The following ARHGEF7 variants were observed in gnomAD, a reference collection of about 807,000 sequenced individuals.
ARHGEF7 encodes Rho guanine nucleotide exchange factor 7.
In ARHGEF7, 33 loss-of-function variants were observed where a neutral mutation model predicts 109.8. The ratio of observed to expected loss-of-function variants is 0.30; its 90% CI spans 0.23 to 0.40. The LOEUF (loss-of-function observed/expected upper bound fraction) is 0.40. ARHGEF7 is among the 10% of genes least tolerant of loss of function. The pLI is 1.00. For missense variants in ARHGEF7, 938 were observed against 1,098.5 expected, an observed-to-expected ratio of 0.85 and a Z score of 2.07; for synonymous variants, 458 against 424.6, an observed-to-expected ratio of 1.08 and a Z score of -0.97.
chr13:111,145,178 CTGTT>C lies in ARHGEF7; in HGVS notation c.166-8723_166-8720del, dbSNP rs1279434409. On this transcript the variant is annotated intron_variant, in intron 1 of 21. Transcript: ENST00000646102. The surrounding 1 kb of genome is among the most constrained non-coding windows in gnomAD (Gnocchi z 4.3). Reference sequence around the variant, plus strand: ...AAGGCTGTATGGTAGTGGTGATAGTCTGTTTGTGGAAGCATTAGAATTCATTTAA... The same window carrying C: ...AAGGCTGTATGGTAGTGGTGATAGTCTGTGGAAGCATTAGAATTCATTTAA... 2.6e-5 allele frequency among the ~76,000 whole-genome samples: 4 copies of C among 152,072 alleles called. No individual in the cohort carries two copies. The highest frequency in any genetic ancestry group is 2.1e-4 in the South Asian group (1 of 4,834).
At position 111,233,370 on chromosome 13, in the gene ARHGEF7, A is replaced by G; in HGVS notation, c.759+77A>G. Reference sequence around the variant, plus strand: ...AACTCAGCAATGTAGAATGTAGTGTAAAGTACCTAGAATAGGAAGAAGGAA... The same window carrying G: ...AACTCAGCAATGTAGAATGTAGTGTGAAGTACCTAGAATAGGAAGAAGGAA... On this transcript the variant is annotated intron_variant, in intron 6 of 21. Transcript: ENST00000646102. The G allele has an allele frequency of 5.3e-6, 6 of 1,125,400 alleles. No individual in the cohort carries two copies. In the South Asian group the frequency reaches 6.2e-5, roughly 12 times the overall value. The allele number at this position is 1,125,400 out of a possible 1,614,324, so 69.7% of individuals were successfully genotyped here.
At chr13:111,177,679 C>T (rs747587354) in intron 2 of ARHGEF7, among the ~76,000 whole-genome samples, 6 of 152,188 alleles carry the variant, frequency 3.9e-5, no homozygotes, top group Non-Finnish European at 5.9e-5. Context: ...CTGGGAAGGC[C>T]TCTCACTAGC....
intron 6 of ARHGEF7, among the ~76,000 whole-genome samples, chr13:111,242,315 GCAAA>G (rs1438414766): frequency 4.6e-5 from 7 of 152,090 alleles, no homozygotes; most frequent in African/African-American, 7.2e-5. Context: ...TCAACAGTAG[GCAAA>G]CAGAGTAACG....
chr13:111,157,732 CTA>C (rs1314266459), intron 2 of ARHGEF7, among the ~76,000 whole-genome samples: 1 of 152,076 alleles, frequency 6.6e-6, no homozygotes, highest in African/African-American at 2.4e-5. Context: ...CAGTATTTTG[CTA>C]TGTTACTGTG....
intron 8 of ARHGEF7, among the ~76,000 whole-genome samples, chr13:111,250,953 C>A (rs1308963917): frequency 2.0e-5 from 3 of 152,224 alleles, no homozygotes. Flanking sequence ...AAGCCCTGTC[C>A]TTGGTGGTTT....
intron 2 of ARHGEF7, among the ~76,000 whole-genome samples, chr13:111,158,170 G>A (rs551518093): frequency 6.6e-6 from 1 of 152,238 alleles, no homozygotes; most frequent in South Asian, 2.1e-4. Context: ...TTGATACTTA[G>A]CTATATTCAT....
At chr13:111,263,897 T>C (rs2091355532) in intron 8 of ARHGEF7, among the ~76,000 whole-genome samples, 1 of 152,268 alleles carries the variant, frequency 6.6e-6, no homozygotes. Flanking sequence ...TACAAAATGA[T>C]AGAACTCACT....
chr13:111,188,690 C>G (rs992779934), intron 2 of ARHGEF7, among the ~76,000 whole-genome samples: 3 of 152,232 alleles, frequency 2.0e-5, no homozygotes, highest in African/African-American at 7.2e-5. Context: ...CCATGGAATA[C>G]ATACTGTGTT....
intron 1 of ARHGEF7, among the ~76,000 whole-genome samples, chr13:111,151,285 C>T (rs977408882): frequency 6.6e-6 from 1 of 152,240 alleles, no homozygotes; most frequent in African/African-American, 2.4e-5. Context: ...AAAAATTCTT[C>T]CGCAGCCTCC....
At chr13:111,147,976 C>T (rs1595031779) in intron 1 of ARHGEF7, among the ~76,000 whole-genome samples, 1 of 152,260 alleles carries the variant, frequency 6.6e-6, no homozygotes, top group South Asian at 2.1e-4. Flanking sequence ...GGATTACAGG[C>T]GTGAGCCACC....
At chr13:111,289,263 A>T (rs915543662) in intron 18 of ARHGEF7, among the ~76,000 whole-genome samples, 2 of 152,170 alleles carry the variant, frequency 1.3e-5, no homozygotes, top group African/African-American at 4.8e-5. Context: ...TGAACTCCTG[A>T]CCTCAGGTGA....
intron 8 of ARHGEF7, among the ~76,000 whole-genome samples, chr13:111,257,936 C>T (rs563842363): frequency 6.6e-5 from 10 of 152,358 alleles, no homozygotes; most frequent in Admixed American, 1.3e-4. Context: ...TGGCAGGCCC[C>T]GCCACTGTGG....
intron 2 of ARHGEF7, among the ~76,000 whole-genome samples, chr13:111,170,518 T>G (rs1011317444): frequency 2.6e-5 from 4 of 152,170 alleles, no homozygotes; most frequent in Admixed American, 2.6e-4. Context: ...GGAAGCTGGG[T>G]GAGAATTGAT....
intron 6 of ARHGEF7, among the ~76,000 whole-genome samples, chr13:111,235,464 T>C (rs890186690): frequency 6.6e-6 from 1 of 152,222 alleles, no homozygotes; most frequent in South Asian, 2.1e-4. Context: ...GCCAACTCTT[T>C]CATACAGAAT....
intron 8 of ARHGEF7, among the ~76,000 whole-genome samples, chr13:111,251,988 G>T (rs1004276346): frequency 3.3e-5 from 5 of 152,136 alleles, no homozygotes; most frequent in Non-Finnish European, 7.3e-5. Context: ...TTTGTCTGTG[G>T]TTGCCACTGT....
At chr13:111,289,611 C>T (rs1244712832) in intron 18 of ARHGEF7, among the ~76,000 whole-genome samples, 2 of 152,000 alleles carry the variant, frequency 1.3e-5, no homozygotes, top group Non-Finnish European at 2.9e-5. Context: ...CTCACTTGCT[C>T]GTTTTGTTAA....
chr13:111,192,841 T>C (rs9560004), intron 2 of ARHGEF7, among the ~76,000 whole-genome samples: 1,930 of 152,318 alleles, frequency 0.013, 137 homozygotes, highest in Admixed American at 0.1. Flanking sequence ...GCCTTCTCTG[T>C]CTTGCGAGGG....
chr13:111,156,388 A>G lies in ARHGEF7; in HGVS notation c.252+2397A>G, dbSNP rs150835970. 3.3e-5 allele frequency among the ~76,000 whole-genome samples: 5 copies of G among 152,376 alleles called. No homozygotes were observed. The East Asian group carries it at 9.6e-4, about 29-fold the overall frequency. On this transcript the variant is annotated intron_variant, in intron 2 of 21. Transcript: ENST00000646102. ...ATTTTGTGCTATTTTTAAAGAGTAA[A>G]TATCTCTTCCAGTAAATTTAAGCAA...
chr13:111,294,327 C>T, intron 19 of ARHGEF7: 8 of 985,456 alleles, frequency 8.1e-6, no homozygotes, highest in Non-Finnish European at 9.6e-6. Context: ...CTGCCTTTGC[C>T]TTCTCGTAGG....
Sources: allele counts gnomAD v4.1 joint callset (sites outside exome capture counted in the v4.1 genomes callset), GRCh38; gene constraint gnomAD v4.1.1; non-coding constraint Gnocchi (gnomAD v3.1); transcripts MANE v1.5; gene names NCBI Gene and HGNC (gene_info 2026-07-23, HGNC 2026-07-21).